The following SCHIP1 variants were observed in gnomAD, a reference collection of about 807,000 sequenced individuals.
The protein encoded by SCHIP1 is schwannomin interacting protein 1, also known as schwannomin-interacting protein 1.
SCHIP1 carries 8 observed loss-of-function variants against 29.7 expected under a neutral mutation model. The ratio of observed to expected loss-of-function variants is 0.27; its 90% confidence interval spans 0.16 to 0.49. The LOEUF is 0.49. Among genes scored for constraint, SCHIP1 ranks in the 20% least tolerant of loss-of-function variants. The probability of loss-of-function intolerance (pLI) is 0.99; values close to 1 mark genes in which losing one functional copy is unlikely to be tolerated. For synonymous variants in SCHIP1, 76 were observed against 94.9 expected, an observed-to-expected ratio of 0.80 and a Z score of 1.16; for missense variants, 193 against 294.6, an observed-to-expected ratio of 0.66 and a Z score of 2.52.
chr3:159,591,017 A>G, the SCHIP1 span, among the ~76,000 whole-genome samples: 1 of 151,904 alleles, frequency 6.6e-6, no homozygotes, highest in Non-Finnish European at 1.5e-5. Flanking sequence ...GCCCTTTTTA[A>G]CCCTCATCCT....
At chr3:159,599,363 C>T in the SCHIP1 span, among the ~76,000 whole-genome samples, 1 of 152,142 alleles carries the variant, frequency 6.6e-6, no homozygotes, top group African/African-American at 2.4e-5. Context: ...ATCATTCAAG[C>T]AGTGTACACT....
the SCHIP1 span, among the ~76,000 whole-genome samples, chr3:159,533,340 T>A: frequency 1.3e-4 from 20 of 151,762 alleles, no homozygotes; most frequent in Non-Finnish European, 5.9e-5. Flanking sequence ...CCAGAACACA[T>A]AGGTGAAGGG....
intron 1 of SCHIP1, among the ~76,000 whole-genome samples, chr3:159,865,846 C>G (rs1479786813): frequency 6.6e-6 from 1 of 152,238 alleles, no homozygotes; most frequent in Non-Finnish European, 1.5e-5. Context: ...CCCTCCACAA[C>G]TTTACCTATA....
At chr3:159,706,589 A>G in the SCHIP1 span, among the ~76,000 whole-genome samples, 1 of 152,220 alleles carries the variant, frequency 6.6e-6, no homozygotes, top group Non-Finnish European at 1.5e-5. Context: ...CACATTCAGG[A>G]GAATACAGAC....
the SCHIP1 span, among the ~76,000 whole-genome samples, chr3:159,578,297 G>A: frequency 6.6e-6 from 1 of 152,144 alleles, no homozygotes; most frequent in African/African-American, 2.4e-5. Flanking sequence ...ACTGTGAAGT[G>A]CACATTGAAT....
chr3:159,753,153 T>G, the SCHIP1 span, among the ~76,000 whole-genome samples: 1 of 152,204 alleles, frequency 6.6e-6, no homozygotes, highest in East Asian at 1.9e-4. Context: ...GGCCTTCTTT[T>G]CTCACTCCAT....
chr3:159,476,571 A>G, the SCHIP1 span, among the ~76,000 whole-genome samples: 1 of 152,206 alleles, frequency 6.6e-6, no homozygotes, highest in Non-Finnish European at 1.5e-5. Flanking sequence ...TGAATAGAAT[A>G]CGCAACTAAA....
upstream of SCHIP1, among the ~76,000 whole-genome samples, chr3:159,837,159 A>G (rs1356393802): frequency 6.6e-6 from 1 of 151,972 alleles, no homozygotes; most frequent in African/African-American, 2.4e-5. Context: ...AGCTTATGTA[A>G]TATATCCCAT....
the SCHIP1 span, among the ~76,000 whole-genome samples, chr3:159,723,026 C>T: frequency 1.3e-5 from 2 of 152,130 alleles, no homozygotes. Flanking sequence ...TGAGCAGAGC[C>T]CATGTGTGCT....
the SCHIP1 span, among the ~76,000 whole-genome samples, chr3:159,313,412 G>T: frequency 1.3e-5 from 2 of 152,086 alleles, no homozygotes; most frequent in Non-Finnish European, 2.9e-5. Context: ...CATTTTGTTG[G>T]CACAAATGCC....
the SCHIP1 span, among the ~76,000 whole-genome samples, chr3:159,828,864 C>T: frequency 6.6e-6 from 1 of 152,168 alleles, no homozygotes. Context: ...CACACATACA[C>T]GCATGCACAC....
At chr3:159,733,799 C>G in the SCHIP1 span, among the ~76,000 whole-genome samples, 1 of 152,170 alleles carries the variant, frequency 6.6e-6, no homozygotes, top group Non-Finnish European at 1.5e-5. Flanking sequence ...GGGTTCCTCT[C>G]TTCTCCTCCG....
the SCHIP1 span, among the ~76,000 whole-genome samples, chr3:159,492,564 A>G: frequency 6.6e-6 from 1 of 152,230 alleles, no homozygotes; most frequent in Non-Finnish European, 1.5e-5. Flanking sequence ...AAGAATAAAA[A>G]GAAATGAACA....
chr3:159,306,746 G>A, the SCHIP1 span: 1 of 162,320 alleles, frequency 6.2e-6, no homozygotes. Context: ...TAAGTACCAG[G>A]GAGGCAGGAG....
At chr3:159,330,934 A>G in the SCHIP1 span, among the ~76,000 whole-genome samples, 1 of 152,010 alleles carries the variant, frequency 6.6e-6, no homozygotes. Flanking sequence ...TTGGGCTTCA[A>G]CTAACTCCTA....
At chr3:159,892,255 G>A in intron 6 of SCHIP1, 65 bp downstream of exon 7, 1 of 1,574,772 alleles carries the variant, frequency 6.4e-7, no homozygotes, top group South Asian at 1.1e-5. Context: ...TAAGAATTAG[G>A]CAAAAACTAG....
the SCHIP1 span, chr3:159,401,329 T>A: frequency 5.1e-5 from 49 of 953,240 alleles, no homozygotes; most frequent in South Asian, 2.0e-3. Flanking sequence ...ACTCTATCTT[T>A]GAGGCATCTA....
At chr3:159,587,458 G>A in the SCHIP1 span, among the ~76,000 whole-genome samples, 53 of 151,452 alleles carry the variant, frequency 3.5e-4, 2 homozygotes, top group African/African-American at 1.2e-3. Flanking sequence ...GACATTTGAC[G>A]TGAATACATA....
upstream of SCHIP1, among the ~76,000 whole-genome samples, chr3:159,837,513 A>G (rs958297651): frequency 6.6e-6 from 1 of 152,160 alleles, no homozygotes; most frequent in Non-Finnish European, 1.5e-5. Context: ...ACCCAAGATC[A>G]GGAGTTCGAG....
Sources: allele counts gnomAD v4.1 joint callset (sites outside exome capture counted in the v4.1 genomes callset), GRCh38; gene constraint gnomAD v4.1.1; transcripts MANE v1.5; gene names NCBI Gene and HGNC (gene_info 2026-07-23, HGNC 2026-07-21).